The following ARHGAP44 variants were observed in gnomAD, a reference collection of about 807,000 sequenced individuals.
ARHGAP44 encodes Rho GTPase activating protein 44, also known as rho GTPase-activating protein 44.
In ARHGAP44, 43 loss-of-function variants were observed where a neutral mutation model predicts 106.8. The ratio of observed to expected loss-of-function variants is 0.40; its 90% CI spans 0.32 to 0.52. ARHGAP44 has a LOEUF of 0.52. ARHGAP44 is among the 20% of genes least tolerant of loss of function. ARHGAP44 has a pLI of 0.48. For missense variants in ARHGAP44, 866 were observed against 1,050.5 expected (o/e 0.82, Z 2.43); for synonymous variants, 439 against 410.3 (o/e 1.07, Z -0.85).
chr17:12,826,833 T>C (rs2034934144), intron 1 of ARHGAP44, among the ~76,000 whole-genome samples: 1 of 152,246 alleles, frequency 6.6e-6, no homozygotes, highest in Admixed American at 6.5e-5. Flanking sequence ...GCCAGATAAC[T>C]GATTTCTTCT....
chr17:12,924,162 T>C (rs2038167420), intron 6 of ARHGAP44, among the ~76,000 whole-genome samples: 3 of 152,248 alleles, frequency 2.0e-5, no homozygotes, highest in Non-Finnish European at 4.4e-5. Context: ...CATGACTGGA[T>C]CTTTAATTTC....
At chr17:12,965,726 A>G (rs1046593903) in intron 16 of ARHGAP44, among the ~76,000 whole-genome samples, 3 of 152,244 alleles carry the variant, frequency 2.0e-5, no homozygotes, top group African/African-American at 7.2e-5. Context: ...GGGCTGTAGC[A>G]TGTATCATTT....
chr17:12,839,113 G>A (rs1227494481), intron 1 of ARHGAP44, among the ~76,000 whole-genome samples: 3 of 152,132 alleles, frequency 2.0e-5, no homozygotes, highest in Non-Finnish European at 2.9e-5. Flanking sequence ...GTAACAGCAG[G>A]AAAAAGATCC....
rs113193269 is a variant in ARHGAP44 at position 12,912,475 on chromosome 17, G to A, written c.276-3425G>A. Among the ~76,000 whole-genome samples the A allele has an allele frequency of 3.8e-3, 571 of 152,162 alleles. 28 individuals carry two copies. In the South Asian group the frequency reaches 0.099, roughly 26 times the overall value. ...GATCAATCCAGGAAGTCTTATGCCC[G>A]AAAAACAGGAGTTCTTAGAAAAGAA... On this transcript the variant is annotated intron_variant, in intron 4 of 20. Coordinates refer to ENST00000379672, the MANE Select transcript of ARHGAP44 (RefSeq NM_014859.6).
intron 1 of ARHGAP44, among the ~76,000 whole-genome samples, chr17:12,845,262 C>A (rs1473567712): frequency 6.6e-6 from 1 of 152,048 alleles, no homozygotes; most frequent in Non-Finnish European, 1.5e-5. Context: ...ATAATCCCAG[C>A]ACTTTGGGAG....
chr17:12,967,213 T>G (rs2039413191), intron 16 of ARHGAP44, among the ~76,000 whole-genome samples: 2 of 147,530 alleles, frequency 1.4e-5, no homozygotes, highest in Non-Finnish European at 1.5e-5. Context: ...AACTTCGGGG[T>G]GTGAATCAGA....
chr17:12,888,265 A>G (rs1027108969), intron 1 of ARHGAP44, among the ~76,000 whole-genome samples: 1 of 152,000 alleles, frequency 6.6e-6, no homozygotes, highest in South Asian at 2.1e-4. Context: ...TCCCAGCACA[A>G]CTTTGGTTGT....
At chr17:12,827,800 C>G (rs2034964429) in intron 1 of ARHGAP44, among the ~76,000 whole-genome samples, 1 of 151,908 alleles carries the variant, frequency 6.6e-6, no homozygotes, top group Admixed American at 6.6e-5. Context: ...AAGTCTCTTA[C>G]TGCCAAGATG....
intron 1 of ARHGAP44, among the ~76,000 whole-genome samples, chr17:12,855,157 C>T (rs1371707867): frequency 1.3e-5 from 2 of 151,992 alleles, no homozygotes; most frequent in Non-Finnish European, 2.9e-5. Context: ...TCACCTCGAG[C>T]TTTATAAACC....
intron 6 of ARHGAP44, among the ~76,000 whole-genome samples, chr17:12,920,768 TCTTAA>T (rs751312998): frequency 2.8e-4 from 43 of 152,306 alleles, no homozygotes; most frequent in African/African-American, 8.2e-4. Flanking sequence ...GTAGCCTTTC[TCTTAA>T]CTTGAGTCCT....
chr17:12,865,892 TG>T (rs551341715), intron 1 of ARHGAP44, among the ~76,000 whole-genome samples: 64 of 152,292 alleles, frequency 4.2e-4, no homozygotes, highest in African/African-American at 1.5e-3. Context: ...GACTTTATAC[TG>T]TATCGTAAGT....
intron 3 of ARHGAP44, among the ~76,000 whole-genome samples, chr17:12,907,505 G>A (rs774529317): frequency 2.8e-4 from 43 of 152,248 alleles, no homozygotes; most frequent in Middle Eastern, 6.8e-3. Context: ...CCTGTGACAA[G>A]CACTAATCTA....
At chr17:12,909,151 C>T (rs11867873) in intron 4 of ARHGAP44, among the ~76,000 whole-genome samples, 178 bp downstream of exon 4, 4,646 of 152,174 alleles carry the variant, frequency 0.031, 250 homozygotes, top group African/African-American at 0.11. Flanking sequence ...ATTGTCTGTG[C>T]GGTGAGGCAA....
intron 13 of ARHGAP44, 139 bp downstream of exon 13, chr17:12,952,720 CTCTTTTTTT>C (rs1555562759): frequency 6.0e-6 from 2 of 331,172 alleles, no homozygotes; most frequent in Admixed American, 5.3e-5. Context: ...CATGCATGGT[CTCTTTTTTT>C]TTTTTTTTTT....
At chr17:12,964,977 C>T (rs1253330446) in intron 16 of ARHGAP44, among the ~76,000 whole-genome samples, 4 of 152,126 alleles carry the variant, frequency 2.6e-5, no homozygotes, top group African/African-American at 7.2e-5. Context: ...TCCTCAGTAC[C>T]TTCCTCCCTA....
intron 12 of ARHGAP44, among the ~76,000 whole-genome samples, chr17:12,951,509 A>G (rs2038991413): frequency 6.6e-6 from 1 of 152,226 alleles, no homozygotes; most frequent in South Asian, 2.1e-4. Flanking sequence ...TATTGGATAT[A>G]TAAGTGATCT....
intron 1 of ARHGAP44, among the ~76,000 whole-genome samples, chr17:12,824,053 G>A: frequency 6.6e-6 from 1 of 151,812 alleles, no homozygotes; most frequent in Non-Finnish European, 1.5e-5. Flanking sequence ...CATTCTTCTG[G>A]GTTTCTTCTT....
At chr17:12,877,705 G>A (rs980955377) in intron 1 of ARHGAP44, among the ~76,000 whole-genome samples, 2 of 151,656 alleles carry the variant, frequency 1.3e-5, no homozygotes, top group African/African-American at 2.4e-5. Context: ...AGCCGAGATC[G>A]CGCCACTGCA....
At chr17:12,876,257 G>A (rs2036553465) in intron 1 of ARHGAP44, among the ~76,000 whole-genome samples, 1 of 151,978 alleles carries the variant, frequency 6.6e-6, no homozygotes. Flanking sequence ...AAACCTGTTC[G>A]GCTTGCTTAC....
Sources: allele counts gnomAD v4.1 joint callset (sites outside exome capture counted in the v4.1 genomes callset), GRCh38; gene constraint gnomAD v4.1.1; transcripts MANE v1.5; gene names NCBI Gene and HGNC (gene_info 2026-07-23, HGNC 2026-07-21).